Variants in POU6F1 observed in about 807,000 individuals in gnomAD.
The protein encoded by POU6F1 is POU class 6 homeobox 1, also known as POU domain, class 6, transcription factor 1.
In POU6F1, 9 loss-of-function variants were observed where a neutral mutation model predicts 28.9. The observed-to-expected ratio is 0.31, with a 90% confidence interval of 0.19 to 0.54. The LOEUF (loss-of-function observed/expected upper bound fraction) is 0.54. Ranked by LOEUF, POU6F1 falls within the 20% of genes least tolerant of loss-of-function variation. The pLI is 0.94. For missense variants in POU6F1, 338 were observed against 426.1 expected, an observed-to-expected ratio of 0.79 and a Z score of 1.82; for synonymous variants, 173 against 171.1, an observed-to-expected ratio of 1.01 and a Z score of -0.09.
At chr12:51,202,276 T>A (rs1174406653) in intron 3 of POU6F1, 2 of 152,234 alleles carry the variant, frequency 1.3e-5, no homozygotes, top group Non-Finnish European at 1.5e-5. Flanking sequence ...TTCCATGAAA[T>A]GACTTCCTCC....
At chr12:51,216,633 C>T (rs1365727831) in intron 1 of POU6F1, among the ~76,000 whole-genome samples, 1 of 152,152 alleles carries the variant, frequency 6.6e-6, no homozygotes, top group Non-Finnish European at 1.5e-5. Context: ...GGAATTATTC[C>T]TCAGAAGGCC....
chr12:51,204,456 G>A, intron 2 of POU6F1, 88 bp from the exon 3 acceptor site: 1 of 398,144 alleles, frequency 2.5e-6, no homozygotes, highest in Non-Finnish European at 4.4e-6. Context: ...GGGAGAGAGG[G>A]GAGGGCACCT....
At chr12:51,195,221 A>T (rs1054638320) in intron 8 of POU6F1, among the ~76,000 whole-genome samples, 1 of 152,122 alleles carries the variant, frequency 6.6e-6, no homozygotes, top group Non-Finnish European at 1.5e-5. Context: ...TGCAGCCTTG[A>T]ACTCTTGGCC....
chr12:51,193,406 C>T (rs986820039), intron 8 of POU6F1, among the ~76,000 whole-genome samples: 1 of 152,126 alleles, frequency 6.6e-6, no homozygotes, highest in Admixed American at 6.5e-5. Context: ...GAGACCCCGA[C>T]TCTTACTAAA....
chr12:51,187,229 A>G lies in POU6F1; in HGVS notation c.*3018T>C. 6.6e-6 allele frequency: 1 copy of G among 152,220 alleles called. No individual in the cohort carries two copies. Among genetic ancestry groups the G allele is most frequent in the Non-Finnish European group, 1.5e-5 (1 of 68,042 alleles). The allele number at this position is 152,220 out of a possible 1,614,324, so 9.4% of individuals were successfully genotyped here. A position where few individuals can be genotyped will look rare whatever the true frequency, so the allele number is the denominator to read the frequency against. ...CTTCACCTGGATAAAATGCCGTGGTAATGCAGGGTCAAAGGCCCTAGCTGA... is the reference window on the plus strand; with the variant it reads ...CTTCACCTGGATAAAATGCCGTGGTGATGCAGGGTCAAAGGCCCTAGCTGA... On this transcript the variant is annotated 3_prime_UTR_variant, in exon 11 of 11. Transcript: ENST00000333640.
At position 51,190,069 on chromosome 12, in the gene POU6F1, A is replaced by G. The variant is rs1942286116; in HGVS notation, c.*178T>C. On this transcript the variant is annotated 3_prime_UTR_variant, in exon 11 of 11. Transcript: ENST00000333640. This position sits in a 1 kb window ranked among gnomAD's most constrained non-coding sequence, Gnocchi z 4.5. ...TGTGGCCCCCTCTGGCCTCCCCATG[A>G]TGTGAGATGTGTGGGAGAAAAGAGG... The G allele has an allele frequency of 2.5e-6, 3 of 1,197,230 alleles. No individual in the cohort carries two copies. Among genetic ancestry groups the G allele is most frequent in the Non-Finnish European group, 2.3e-6 (2 of 882,918 alleles). The allele number at this position is 1,197,230 out of a possible 1,614,324, so 74.2% of individuals were successfully genotyped here. A position where few individuals can be genotyped will look rare whatever the true frequency, so the allele number is the denominator to read the frequency against.
At chr12:51,194,612 C>T (rs1213943285) in intron 8 of POU6F1, among the ~76,000 whole-genome samples, 6 of 150,690 alleles carry the variant, frequency 4.0e-5, no homozygotes, top group Non-Finnish European at 8.9e-5. Context: ...TGCACACCAG[C>T]CTGGGCAACA....
chr12:51,216,065 C>T (rs1221260456), intron 1 of POU6F1, among the ~76,000 whole-genome samples: 3 of 152,112 alleles, frequency 2.0e-5, no homozygotes, highest in Admixed American at 6.5e-5. Flanking sequence ...CGCCTGTAAT[C>T]CCAGCACTTT....
At chr12:51,211,885 G>A (rs969429415) in intron 1 of POU6F1, among the ~76,000 whole-genome samples, 14 of 152,190 alleles carry the variant, frequency 9.2e-5, no homozygotes, top group Admixed American at 2.6e-4. Flanking sequence ...GATTTTCAGC[G>A]GGGGAGAATG....
chr12:51,191,888 C>A (rs1196191061), intron 9 of POU6F1, 124 bp from the exon 10 acceptor site: 2 of 1,174,646 alleles, frequency 1.7e-6, no homozygotes, highest in Non-Finnish European at 2.5e-6. Flanking sequence ...GGCTCACGCA[C>A]CTTCAAGACT....
At chr12:51,193,596 TA>T (rs1005070124) in intron 8 of POU6F1, among the ~76,000 whole-genome samples, 62 of 150,834 alleles carry the variant, frequency 4.1e-4, no homozygotes, top group African/African-American at 1.5e-3. Context: ...AAAAATAATT[TA>T]AAAAAAAAGA....
At chr12:51,216,010 T>C (rs1944269912) in intron 1 of POU6F1, among the ~76,000 whole-genome samples, 1 of 152,096 alleles carries the variant, frequency 6.6e-6, no homozygotes, top group Admixed American at 6.5e-5. Context: ...TTTTAAATTA[T>C]AAAGCATTTT....
At chr12:51,193,880 C>T (rs1942624080) in intron 8 of POU6F1, among the ~76,000 whole-genome samples, 1 of 151,978 alleles carries the variant, frequency 6.6e-6, no homozygotes, top group South Asian at 2.1e-4. Context: ...CCAGGATGGT[C>T]CTGTTTCCTG....
chr12:51,213,430 T>C (rs1254527701), intron 1 of POU6F1, among the ~76,000 whole-genome samples: 1 of 152,162 alleles, frequency 6.6e-6, no homozygotes, highest in Non-Finnish European at 1.5e-5. Flanking sequence ...CCTAAGCTGG[T>C]TTCCAACTCC....
intron 3 of POU6F1, among the ~76,000 whole-genome samples, chr12:51,201,181 C>T (rs1442876151): frequency 6.6e-6 from 1 of 152,206 alleles, no homozygotes; most frequent in Admixed American, 6.5e-5. Flanking sequence ...TCCAACCCTG[C>T]AGTACTAGTC....
Position 51,192,416 on chromosome 12 carries a change from C to G in POU6F1, c.1235G>C (p.Ser412Thr), listed in dbSNP as rs1383129285. The change falls in exon 9 of 11, where the codon AGC becomes ACC. Residue 412 changes from serine (S) to threonine (T), a missense_variant. Transcript: ENST00000333640. ...TVPQPAVVIA[S>T]PAPAAKPSAS... ...AGATGGCTTGGCGGCTGGAGCTGGGCTGGCAATGACCACAGCAGGCTGGGG... is the reference window on the plus strand; with the variant it reads ...AGATGGCTTGGCGGCTGGAGCTGGGGTGGCAATGACCACAGCAGGCTGGGG... 1.2e-6 allele frequency: 2 copies of G among 1,614,054 alleles called. No individual in the cohort carries two copies. The highest frequency in any genetic ancestry group is 1.7e-6 in the Non-Finnish European group (2 of 1,180,020).
rs781006552 is a variant in POU6F1, at chr12:51,196,799, C to T, written c.975G>A (p.Gln325=). ...SSQILTNAQG[Q]VIGTLPWVVN... is the part of the protein sequence containing the mutation. ...TCCAGCCCTGTCTTTGGCCACTTGC[C>T]TGTCCCTGAGCATTGGTGAGGATCT... Residue 325 remains glutamine (Q), a splice_region_variant and synonymous_variant, in exon 7 of 11, where the codon CAG becomes CAA. Coordinates refer to ENST00000333640, the MANE Select transcript of POU6F1 (RefSeq NM_001330422.2). The T allele has an allele frequency of 2.0e-5, 32 of 1,613,798 alleles. No individual in the cohort carries two copies. Among genetic ancestry groups the T allele is most frequent in the Non-Finnish European group, 2.5e-5 (30 of 1,179,898 alleles).
chr12:51,216,337 C>CTAG (rs1293018739), intron 1 of POU6F1, among the ~76,000 whole-genome samples: 1 of 152,200 alleles, frequency 6.6e-6, no homozygotes, highest in Admixed American at 6.5e-5. Flanking sequence ...TAACTGCCAG[C>CTAG]TAGTACTTCC....
intron 3 of POU6F1, among the ~76,000 whole-genome samples, chr12:51,200,122 C>T (rs959865731): frequency 6.6e-6 from 1 of 152,198 alleles, no homozygotes; most frequent in Non-Finnish European, 1.5e-5. Context: ...CCCCTTCTCA[C>T]ATCTAGCTGA....
Sources: allele counts gnomAD v4.1 joint callset (sites outside exome capture counted in the v4.1 genomes callset), GRCh38; gene constraint gnomAD v4.1.1; non-coding constraint Gnocchi (gnomAD v3.1); transcripts MANE v1.5; gene names NCBI Gene and HGNC (gene_info 2026-07-23, HGNC 2026-07-21).